Variants in LTN1 observed in about 807,000 individuals in gnomAD.
LTN1 encodes the protein E3 ubiquitin-protein ligase listerin.
In LTN1, 88 loss-of-function variants were observed where a neutral mutation model predicts 201.2. The observed-to-expected ratio is 0.44, with a 90% CI of 0.37 to 0.52. The LOEUF is 0.52. Ranked by LOEUF, LTN1 falls within the 20% of genes least tolerant of loss-of-function variation. LTN1 has a pLI of 0.00. For synonymous variants in LTN1, 645 were observed against 713.5 expected, an observed-to-expected ratio of 0.90 and a Z score of 1.53; for missense variants, 1,752 against 2,038.7, an observed-to-expected ratio of 0.86 and a Z score of 2.71.
intron 9 of LTN1, among the ~76,000 whole-genome samples, chr21:28,968,701 C>T (rs939246759): frequency 4.6e-5 from 7 of 151,814 alleles, no homozygotes; most frequent in African/African-American, 1.7e-4. Context: ...GCAACCTCTG[C>T]CTCCCAGGTT....
Position 28,958,462 on chromosome 21 carries a change from T to C in LTN1, c.2671A>G (p.Lys891Glu), listed in dbSNP as rs772151171. 6.2e-7 allele frequency: 1 copy of C among 1,612,322 alleles called. No individual in the cohort carries two copies. Among genetic ancestry groups the C allele is most frequent in the Non-Finnish European group, 8.5e-7 (1 of 1,179,136 alleles). ...GACAAATGTAGGAAGGTACTCTCTTTATATGAACTGTCAGTTTGATGAACC... is the reference window on the plus strand; with the variant it reads ...GACAAATGTAGGAAGGTACTCTCTTCATATGAACTGTCAGTTTGATGAACC... ...LLVHQTDSSY[K>E]ESTFLHLSAL... The change falls in exon 14 of 30, where the codon AAA becomes GAA. Residue 891 changes from lysine (K) to glutamate (E), a missense_variant. Around this residue, in one of 3 missense-constraint regions of LTN1, gnomAD observed 1,211 missense variants for 1,312.8 expected, o/e 0.92. Transcript: ENST00000361371.
At position 28,947,516 on chromosome 21, in the gene LTN1, T is replaced by C. The variant is rs2084347381; in HGVS notation, c.3435A>G (p.Gln1145=). The C allele has an allele frequency of 1.7e-5, 27 of 1,587,476 alleles. No individual in the cohort carries two copies. The highest frequency in any genetic ancestry group is 2.2e-5 in the Non-Finnish European group (26 of 1,168,066). Residue 1145 remains glutamine, a synonymous_variant, in exon 19 of 30, where the codon CAA becomes CAG. Transcript: ENST00000361371. ...SKEEKKEFSA[Q]CIPALLGWTK... ...TCCAGCCCAAAAGAGCAGGTATACATTGAGCACTAAATTCTTTCTTTTCTT... is the reference window on the plus strand; with the variant it reads ...TCCAGCCCAAAAGAGCAGGTATACACTGAGCACTAAATTCTTTCTTTTCTT...
intron 19 of LTN1, among the ~76,000 whole-genome samples, chr21:28,947,029 C>T (rs2084343205): frequency 6.6e-6 from 1 of 152,168 alleles, no homozygotes; most frequent in South Asian, 2.1e-4. Flanking sequence ...TTTGCTACAT[C>T]GGTTATCACA....
At position 28,956,902 on chromosome 21, in the gene LTN1, T is replaced by C; in HGVS notation, c.2939A>G (p.Glu980Gly). The part of the protein sequence containing the change: ...LLEGRLSLNY[E>G]CFKTDFKEQD... ...TTCCTTAAAATCTGTTTTGAAACAT[T>C]CATAATTCAAACTCAATCTTCCCTC... The change falls in exon 16 of 30, where the codon GAA (glutamate) becomes GGA (glycine). Residue 980 changes from glutamate to glycine, a missense_variant. By Grantham distance (98) the Glu-to-Gly change is moderately conservative. Transcript: ENST00000361371. The C allele has an allele frequency of 6.2e-7, 1 of 1,609,236 alleles. No homozygotes were observed. Among genetic ancestry groups the C allele is most frequent in the South Asian group, 1.1e-5 (1 of 90,170 alleles).
intron 22 of LTN1, among the ~76,000 whole-genome samples, chr21:28,944,123 T>C (rs888672716): frequency 6.6e-6 from 1 of 152,218 alleles, no homozygotes; most frequent in African/African-American, 2.4e-5. Context: ...AATAGCAAGG[T>C]TCTATTCACA....
intron 25 of LTN1, among the ~76,000 whole-genome samples, chr21:28,938,517 A>G (rs934866008): frequency 6.6e-6 from 1 of 152,232 alleles, no homozygotes; most frequent in Non-Finnish European, 1.5e-5. Flanking sequence ...TTAATCACCA[A>G]TATCAATGGA....
rs890855291 is a variant in LTN1 at position 28,988,791 on chromosome 21, C to T, written c.43-1857G>A. 2.6e-5 allele frequency among the ~76,000 whole-genome samples: 4 copies of T among 151,820 alleles called. No homozygotes were observed. In the South Asian group the frequency reaches 6.2e-4, roughly 24 times the overall value. ...GACCAGCCTGGCCAACATGGTGAAACGCCGTCTCTACTAAAAATACAAAAT... is the reference window on the plus strand; with the variant it reads ...GACCAGCCTGGCCAACATGGTGAAATGCCGTCTCTACTAAAAATACAAAAT... On this transcript the variant is annotated intron_variant, in intron 1 of 29. Coordinates refer to ENST00000361371, the MANE Select transcript of LTN1 (RefSeq NM_015565.3).
intron 20 of LTN1, 73 bp downstream of exon 20, chr21:28,946,079 A>G: frequency 6.8e-7 from 1 of 1,472,844 alleles, no homozygotes; most frequent in Non-Finnish European, 9.3e-7. Flanking sequence ...TCTCTACAAA[A>G]TTGTGACACA....
rs1435112920 is a variant in LTN1, at chr21:28,930,164, A to G, written c.*284T>C. ...CAATTCTGTAATTTAGGGGTTTTTC[A>G]TATTTATTTTTAAATATACAAAGAA... On this transcript the variant is annotated 3_prime_UTR_variant, in exon 30 of 30. Transcript: ENST00000361371. The G allele has an allele frequency of 7.7e-6, 2 of 258,232 alleles. No homozygotes were observed. The highest frequency in any genetic ancestry group is 2.2e-5 in the African/African-American group (1 of 44,990). The allele number at this position is 258,232 out of a possible 1,614,324, so 16.0% of individuals were successfully genotyped here.
chr21:28,954,328 T>C (rs902820484), intron 16 of LTN1, among the ~76,000 whole-genome samples: 9 of 152,202 alleles, frequency 5.9e-5, no homozygotes, highest in Non-Finnish European at 2.9e-5. Flanking sequence ...GTGTTACAGC[T>C]GAGGGCTTAC....
intron 29 of LTN1, 103 bp from the exon 30 acceptor site, chr21:28,930,613 G>T: frequency 1.4e-6 from 1 of 714,864 alleles, no homozygotes; most frequent in Non-Finnish European, 2.3e-6. Context: ...AAATGATAAA[G>T]TGAAAAGGGA....
rs2084332965 is a variant in LTN1, at chr21:28,945,852, C to G, written c.3723G>C (p.Glu1241Asp). 6.2e-7 allele frequency: 1 copy of G among 1,613,820 alleles called. No individual in the cohort carries two copies. The highest frequency in any genetic ancestry group is 8.5e-7 in the Non-Finnish European group (1 of 1,179,814). The change falls in exon 21 of 30, where the codon GAG becomes GAC. Residue 1241 changes from glutamate (E) to aspartate (D), a missense_variant. Transcript: ENST00000361371. ...FLKYCSSPLA[E>D]SEWDFIMCSM... Reference sequence around the variant, plus strand: ...AGCACATGATGAAGTCCCACTCACTCTCTGCCAAAGGGGATGAGCAGTATT... The same window carrying G: ...AGCACATGATGAAGTCCCACTCACTGTCTGCCAAAGGGGATGAGCAGTATT...
At chr21:28,964,559 G>A (rs768369395) in intron 11 of LTN1, 25 of 1,503,132 alleles carry the variant, frequency 1.7e-5, no homozygotes, top group African/African-American at 8.4e-5. Context: ...TATTGCTGTG[G>A]TGTGGAACTG....
At chr21:28,950,332 C>A (rs2084372337) in intron 18 of LTN1, among the ~76,000 whole-genome samples, 1 of 151,960 alleles carries the variant, frequency 6.6e-6, no homozygotes, top group African/African-American at 2.4e-5. Context: ...AAATTGATTA[C>A]TATGGGTAAA....
chr21:28,983,244 C>A (rs1451999386), intron 4 of LTN1, among the ~76,000 whole-genome samples: 1 of 152,184 alleles, frequency 6.6e-6, no homozygotes, highest in East Asian at 1.9e-4. Flanking sequence ...ACCCAATGTT[C>A]AATGATTAGT....
chr21:28,960,612 C>T lies in LTN1; in HGVS notation c.2258G>A (p.Cys753Tyr). ...TACCCTGGATTCCAAGTCCTCATTA[C>T]AAAGACAATCTGCCAAGTTGACCAA... ...EKLVNLADCL[C>Y]NEDLESRVSS... The change falls in exon 12 of 30, where the codon TGT (cysteine) becomes TAT (tyrosine). Residue 753 changes from cysteine to tyrosine, a missense_variant. Cys to Tyr is a radical substitution (Grantham distance 194, BLOSUM62 -2). This residue lies in a region of LTN1 where 1,211 missense variants were observed against 1,312.8 expected (regional missense o/e 0.92). Transcript: ENST00000361371. 2 of 1,613,918 alleles carry T rather than the reference C, an allele frequency of 1.2e-6. No individual in the cohort carries two copies. The highest frequency in any genetic ancestry group is 1.7e-6 in the Non-Finnish European group (2 of 1,179,830).
chr21:28,952,392 A>G, intron 17 of LTN1, 128 bp from the exon 18 acceptor site: 1 of 548,574 alleles, frequency 1.8e-6, no homozygotes, highest in South Asian at 3.0e-5. Flanking sequence ...CAATTCACCT[A>G]AGACTTTGCA....
chr21:28,937,399 A>G (rs2084265150), intron 25 of LTN1, among the ~76,000 whole-genome samples: 1 of 152,112 alleles, frequency 6.6e-6, no homozygotes, highest in African/African-American at 2.4e-5. Context: ...AAAAATTTGT[A>G]TTTTTAATTT....
chr21:28,981,069 T>A, intron 6 of LTN1, 50 bp downstream of exon 6: 1 of 1,131,828 alleles, frequency 8.8e-7, no homozygotes, highest in Non-Finnish European at 1.2e-6. Context: ...ACTAAGAAGA[T>A]GGGGGTAAGG....
Sources: gnomAD v4.1 joint callset for allele counts (sites outside exome capture counted in the v4.1 genomes callset) on GRCh38, gnomAD v4.1.1 for gene constraint, gnomAD v4.1.1 regional missense constraint, MANE v1.5 for transcripts, NCBI Gene and HGNC (gene_info 2026-07-23, HGNC 2026-07-21) for gene names.